The following CNTN4 variants were observed in gnomAD, a reference collection of about 807,000 sequenced individuals.
The protein encoded by CNTN4 is contactin 4.
CNTN4 carries 77 observed loss-of-function variants against 122.5 expected under a neutral mutation model. The ratio of observed to expected loss-of-function variants is 0.63; its 90% CI spans 0.52 to 0.76. CNTN4 has a LOEUF of 0.76. CNTN4 is among the 30% of genes least tolerant of loss of function. The pLI, the probability that CNTN4 is intolerant of heterozygous loss-of-function variation, is 0.00. For synonymous variants in CNTN4, 512 were observed against 447.0 expected (o/e 1.15, Z -1.83); for missense variants, 1,256 against 1,259.1 (o/e 1.00, Z 0.04).
At chr3:2,733,551 T>TTTTG (rs1553623997) in intron 4 of CNTN4, among the ~76,000 whole-genome samples, 1 of 149,582 alleles carries the variant, frequency 6.7e-6, no homozygotes, top group African/African-American at 2.5e-5. Context: ...TTTTTTTTTT[T>TTTTG]GAGACAGAGT....
At chr3:2,923,020 G>A (rs1221934250) in intron 12 of CNTN4, among the ~76,000 whole-genome samples, 3 of 152,158 alleles carry the variant, frequency 2.0e-5, no homozygotes, top group Non-Finnish European at 2.9e-5. Flanking sequence ...AAATGCTTTT[G>A]AAACTGAAAG....
chr3:2,744,461 T>G (rs998783011), intron 5 of CNTN4, among the ~76,000 whole-genome samples: 2 of 152,228 alleles, frequency 1.3e-5, no homozygotes, highest in East Asian at 3.8e-4. Context: ...TCATTATGGA[T>G]TTGGATCAGT....
intron 3 of CNTN4, among the ~76,000 whole-genome samples, chr3:2,429,462 C>T (rs1235902262): frequency 2.0e-5 from 3 of 152,164 alleles, no homozygotes; most frequent in African/African-American, 7.2e-5. Flanking sequence ...CAGATGGGCA[C>T]CCGGCCATAT....
intron 3 of CNTN4, among the ~76,000 whole-genome samples, chr3:2,494,602 T>C (rs977634723): frequency 2.0e-5 from 3 of 152,232 alleles, no homozygotes; most frequent in African/African-American, 7.2e-5. Flanking sequence ...AAATCTCTCC[T>C]GGATCAGGGA....
intron 4 of CNTN4, among the ~76,000 whole-genome samples, chr3:2,602,274 A>G (rs2081078540): frequency 6.6e-6 from 1 of 152,208 alleles, no homozygotes; most frequent in African/African-American, 2.4e-5. Flanking sequence ...AATAAAGGGT[A>G]TTCAATTAGG....
chr3:2,484,482 T>A (rs1346493425), intron 3 of CNTN4, among the ~76,000 whole-genome samples: 1 of 152,152 alleles, frequency 6.6e-6, no homozygotes, highest in Non-Finnish European at 1.5e-5. Context: ...TAACTGTGTA[T>A]TCCATGTGAG....
At chr3:2,905,853 T>C (rs2094224736) in intron 12 of CNTN4, among the ~76,000 whole-genome samples, 1 of 152,230 alleles carries the variant, frequency 6.6e-6, no homozygotes, top group Non-Finnish European at 1.5e-5. Context: ...CAGAATGAAA[T>C]GGCTGGAACA....
At chr3:2,445,917 T>G (rs1247454094) in intron 3 of CNTN4, among the ~76,000 whole-genome samples, 1 of 152,168 alleles carries the variant, frequency 6.6e-6, no homozygotes, top group Non-Finnish European at 1.5e-5. Context: ...TGTTCTGCCC[T>G]TGTCTAGGTT....
chr3:2,369,413 C>T lies in CNTN4; in HGVS notation c.-89+30180C>T, dbSNP rs374721402. On this transcript the variant is annotated intron_variant, in intron 3 of 24. Transcript: ENST00000418658. Reference sequence around the variant, plus strand: ...AAACATCATAGCCATTATTATTTTGCAGTCTGTATTATTTCTTCTAAGTAT... The same window carrying T: ...AAACATCATAGCCATTATTATTTTGTAGTCTGTATTATTTCTTCTAAGTAT... Among the ~76,000 whole-genome samples the T allele has an allele frequency of 2.6e-5, 4 of 152,156 alleles. 1 individual carries two copies. Among genetic ancestry groups the T allele is most frequent in the East Asian group, 3.9e-4 (2 of 5,194 alleles).
chr3:2,324,081 T>G (rs2043364046), intron 2 of CNTN4, among the ~76,000 whole-genome samples: 1 of 152,236 alleles, frequency 6.6e-6, no homozygotes, highest in African/African-American at 2.4e-5. Context: ...TACTATTAGA[T>G]GCCAGTAACA....
At chr3:2,968,440 A>C (rs1692546917) in intron 13 of CNTN4, among the ~76,000 whole-genome samples, 1 of 152,092 alleles carries the variant, frequency 6.6e-6, no homozygotes, top group Non-Finnish European at 1.5e-5. Context: ...TATCTGAGGG[A>C]TTTTCCCAGT....
intron 4 of CNTN4, among the ~76,000 whole-genome samples, chr3:2,607,449 A>G (rs533309631): frequency 4.6e-5 from 7 of 152,314 alleles, no homozygotes; most frequent in South Asian, 2.1e-4. Context: ...GGAATATTGC[A>G]TAATAAAGTA....
intron 3 of CNTN4, among the ~76,000 whole-genome samples, chr3:2,391,174 G>A (rs574426306): frequency 6.6e-6 from 1 of 152,196 alleles, no homozygotes. Flanking sequence ...TTGTTTATGG[G>A]GTTGGATACT....
chr3:2,709,456 G>C lies in CNTN4; in HGVS notation c.56-26759G>C, dbSNP rs2086975430. Among the ~76,000 whole-genome samples, 1 of 152,158 alleles carries C rather than the reference G, an allele frequency of 6.6e-6. No individual in the cohort carries two copies. The highest frequency in any genetic ancestry group is 2.1e-4 in the South Asian group (1 of 4,810). ...CCCTCAGGTGATCATCGTGTGCAAT[G>C]GGGGATGGGAACTACTGAAACCTAA... On this transcript the variant is annotated intron_variant, in intron 4 of 24. Transcript: ENST00000418658. The surrounding 1 kb of genome is among the most constrained non-coding windows in gnomAD (Gnocchi z 5.0).
chr3:2,792,022 G>A (rs919722587), intron 6 of CNTN4, among the ~76,000 whole-genome samples: 29 of 152,204 alleles, frequency 1.9e-4, no homozygotes, highest in African/African-American at 5.3e-4. Flanking sequence ...GCAAACCACC[G>A]TGGCACACAT....
intron 7 of CNTN4, among the ~76,000 whole-genome samples, chr3:2,840,739 G>A (rs1438347370): frequency 5.9e-5 from 9 of 151,770 alleles, no homozygotes; most frequent in African/African-American, 2.2e-4. Flanking sequence ...AAAGCTGGAC[G>A]ACTAGATTTT....
Position 2,583,195 on chromosome 3 carries a change from C to T in CNTN4, c.55+11637C>T, listed in dbSNP as rs2080026215. Among the ~76,000 whole-genome samples, 3 of 152,196 alleles carry T rather than the reference C, an allele frequency of 2.0e-5. No individual in the cohort carries two copies. In the South Asian group the frequency reaches 6.2e-4, roughly 32 times the overall value. On this transcript the variant is annotated intron_variant, in intron 4 of 24. Transcript: ENST00000418658. Reference sequence around the variant, plus strand: ...AGCTAGAGAAGAAAGCTTTGCTCTACTCTTTTCTAAGGAGCTTTGAAGATC... The same window carrying T: ...AGCTAGAGAAGAAAGCTTTGCTCTATTCTTTTCTAAGGAGCTTTGAAGATC...
intron 3 of CNTN4, among the ~76,000 whole-genome samples, chr3:2,381,105 C>T (rs1388538425): frequency 2.6e-5 from 4 of 151,684 alleles, no homozygotes; most frequent in African/African-American, 4.8e-5. Context: ...TTCTGGGTTC[C>T]CGCCATTCTC....
chr3:2,483,833 C>G (rs780596189), intron 3 of CNTN4, among the ~76,000 whole-genome samples: 8 of 152,134 alleles, frequency 5.3e-5, no homozygotes, highest in Non-Finnish European at 8.8e-5. Context: ...AATACCCAGT[C>G]TCAGGTATTT....
Sources: gnomAD v4.1 joint callset for allele counts (sites outside exome capture counted in the v4.1 genomes callset) on GRCh38, gnomAD v4.1.1 for gene constraint, Gnocchi (gnomAD v3.1) non-coding constraint, MANE v1.5 for transcripts, NCBI Gene and HGNC (gene_info 2026-07-23, HGNC 2026-07-21) for gene names.